Variants in SPOCK1 observed in about 807,000 individuals in gnomAD.
SPOCK1 encodes the protein testican-1.
In SPOCK1, 23 loss-of-function variants were observed where a neutral mutation model predicts 55.3. The observed-to-expected ratio is 0.42, with a 90% confidence interval of 0.30 to 0.59. SPOCK1 has a LOEUF of 0.59. SPOCK1 is among the 20% of genes least tolerant of loss of function. The probability of loss-of-function intolerance (pLI) is 0.22; values close to 1 mark genes in which losing one functional copy is unlikely to be tolerated. For missense variants in SPOCK1, 499 were observed against 552.5 expected (o/e 0.90, Z 0.97); for synonymous variants, 226 against 221.0 (o/e 1.02, Z -0.20).
intron 4 of SPOCK1, among the ~76,000 whole-genome samples, chr5:137,133,459 T>C (rs941717201): frequency 1.3e-5 from 2 of 152,230 alleles, no homozygotes; most frequent in Non-Finnish European, 2.9e-5. Flanking sequence ...TCTCATTCTG[T>C]TCCTTAATCC....
chr5:137,231,672 C>G (rs910538968), intron 3 of SPOCK1, among the ~76,000 whole-genome samples: 1 of 152,206 alleles, frequency 6.6e-6, no homozygotes, highest in Admixed American at 6.5e-5. Context: ...CAGATTGTAG[C>G]TATTGTAAAT....
At chr5:136,979,223 A>G in intron 10 of SPOCK1, 109 bp downstream of exon 10, 1 of 1,466,114 alleles carries the variant, frequency 6.8e-7, no homozygotes, top group Non-Finnish European at 9.2e-7. Context: ...TTATAAACTT[A>G]ATGTATACTG....
At chr5:137,216,582 A>C (rs1435964433) in intron 3 of SPOCK1, among the ~76,000 whole-genome samples, 3 of 152,102 alleles carry the variant, frequency 2.0e-5, no homozygotes, top group Non-Finnish European at 4.4e-5. Context: ...GTGGTGGTGC[A>C]TGCCTGGAGT....
At chr5:137,066,081 G>A (rs1320766964) in intron 6 of SPOCK1, among the ~76,000 whole-genome samples, 1 of 152,152 alleles carries the variant, frequency 6.6e-6, no homozygotes, top group African/African-American at 2.4e-5. Flanking sequence ...CTCTCTTAAG[G>A]AGAGATGCAT....
intron 2 of SPOCK1, among the ~76,000 whole-genome samples, chr5:137,382,764 T>C (rs1005347614): frequency 6.6e-6 from 1 of 152,126 alleles, no homozygotes; most frequent in South Asian, 2.1e-4. Flanking sequence ...CAATTTGACA[T>C]GAGATTTCGG....
chr5:137,016,290 C>G (rs975559735), intron 6 of SPOCK1, among the ~76,000 whole-genome samples: 1 of 152,192 alleles, frequency 6.6e-6, no homozygotes, highest in Non-Finnish European at 1.5e-5. Flanking sequence ...CCACCTCACA[C>G]ATTGTCAGGC....
At chr5:137,205,700 C>A (rs982269626) in intron 3 of SPOCK1, among the ~76,000 whole-genome samples, 2 of 152,124 alleles carry the variant, frequency 1.3e-5, no homozygotes, top group Non-Finnish European at 2.9e-5. Flanking sequence ...GAAGGTCAAA[C>A]AACATTTCTT....
At chr5:137,154,105 T>C (rs1022393354) in intron 3 of SPOCK1, among the ~76,000 whole-genome samples, 4 of 151,616 alleles carry the variant, frequency 2.6e-5, no homozygotes, top group African/African-American at 9.7e-5. Context: ...CTGACCAATA[T>C]GGAGAAACCC....
intron 3 of SPOCK1, among the ~76,000 whole-genome samples, chr5:137,199,719 G>A (rs1054053336): frequency 4.6e-5 from 7 of 151,776 alleles, no homozygotes; most frequent in African/African-American, 1.5e-4. Context: ...TAGTCATTAG[G>A]CCCCTGCTTC....
intron 2 of SPOCK1, among the ~76,000 whole-genome samples, chr5:137,464,379 G>A (rs1357532747): frequency 1.3e-5 from 2 of 152,002 alleles, no homozygotes; most frequent in Non-Finnish European, 2.9e-5. Context: ...ATTAAACATT[G>A]CATTCCTGTA....
At chr5:137,056,679 T>C (rs1156391556) in intron 6 of SPOCK1, among the ~76,000 whole-genome samples, 2 of 152,018 alleles carry the variant, frequency 1.3e-5, no homozygotes, top group Non-Finnish European at 2.9e-5. Flanking sequence ...TGTTTTTGAG[T>C]GAAGCCCAGG....
intron 5 of SPOCK1, among the ~76,000 whole-genome samples, chr5:137,112,186 A>G (rs1023159179): frequency 6.6e-6 from 1 of 152,160 alleles, no homozygotes; most frequent in African/African-American, 2.4e-5. Flanking sequence ...TAACTTCAGG[A>G]TCACATGCCA....
At chr5:136,986,804 T>C (rs1750851285) in intron 8 of SPOCK1, among the ~76,000 whole-genome samples, 1 of 152,152 alleles carries the variant, frequency 6.6e-6, no homozygotes, top group East Asian at 1.9e-4. Context: ...TAGATCCTGT[T>C]CTAAAACAAA....
At chr5:137,042,740 G>T (rs1200272309) in intron 6 of SPOCK1, among the ~76,000 whole-genome samples, 1 of 152,130 alleles carries the variant, frequency 6.6e-6, no homozygotes, top group Non-Finnish European at 1.5e-5. Context: ...TTACAGATAA[G>T]CAAGGGGAGG....
At chr5:137,477,933 G>A (rs1753870131) in intron 2 of SPOCK1, among the ~76,000 whole-genome samples, 1 of 152,216 alleles carries the variant, frequency 6.6e-6, no homozygotes, top group East Asian at 1.9e-4. Flanking sequence ...TGAACAGAAT[G>A]AAGTGGACTT....
At chr5:137,351,322 C>A (rs115791862) in intron 2 of SPOCK1, among the ~76,000 whole-genome samples, 37 of 152,204 alleles carry the variant, frequency 2.4e-4, no homozygotes, top group African/African-American at 8.2e-4. Context: ...TCAGGCTCCT[C>A]GTTGATGAAA....
chr5:137,171,478 T>C lies in SPOCK1; in HGVS notation c.233-30784A>G, dbSNP rs917692078. Among the ~76,000 whole-genome samples the C allele has an allele frequency of 6.6e-5, 10 of 152,306 alleles. No homozygotes were observed. The South Asian group carries it at 2.1e-3, about 32-fold the overall frequency. On this transcript the variant is annotated intron_variant, in intron 3 of 10. Transcript: ENST00000394945. ...CACCACATGAAAGGGCCAGCCACGC[T>C]ACCAATGTGGAGGATCAGGACCCAG...
intron 3 of SPOCK1, among the ~76,000 whole-genome samples, chr5:137,226,360 C>T (rs902343652): frequency 6.6e-6 from 1 of 152,240 alleles, no homozygotes; most frequent in African/African-American, 2.4e-5. Context: ...TTAACACCCA[C>T]GTTGTGGCTT....
At chr5:137,211,248 C>A (rs1755608706) in intron 3 of SPOCK1, among the ~76,000 whole-genome samples, 1 of 152,152 alleles carries the variant, frequency 6.6e-6, no homozygotes, top group South Asian at 2.1e-4. Context: ...TCTTCAGAGT[C>A]AAATAGATCT....
Sources: allele counts gnomAD v4.1 joint callset (sites outside exome capture counted in the v4.1 genomes callset), GRCh38; gene constraint gnomAD v4.1.1; transcripts MANE v1.5; gene names NCBI Gene and HGNC (gene_info 2026-07-23, HGNC 2026-07-21).